ZNF385B: variants seen among roughly 807,000 people sequenced by gnomAD.
ZNF385B encodes the protein zinc finger protein 385B.
In ZNF385B, 23 loss-of-function variants were observed where a neutral mutation model predicts 39.2. That is an observed-to-expected ratio of 0.59 (90% CI 0.42 to 0.83). ZNF385B has a LOEUF of 0.83. ZNF385B is among the 40% of genes least tolerant of loss of function. The probability of loss-of-function intolerance (pLI) is 0.00; values close to 1 mark genes in which losing one functional copy is unlikely to be tolerated. For synonymous variants in ZNF385B, 205 were observed against 222.6 expected, an observed-to-expected ratio of 0.92 and a Z score of 0.70; for missense variants, 552 against 598.9, an observed-to-expected ratio of 0.92 and a Z score of 0.82.
chr2:179,849,015 C>A (rs1047405251), intron 1 of ZNF385B, among the ~76,000 whole-genome samples: 2 of 152,140 alleles, frequency 1.3e-5, no homozygotes, highest in Non-Finnish European at 2.9e-5. Context: ...CTATGAGATA[C>A]ATAATATTGT....
intron 3 of ZNF385B, among the ~76,000 whole-genome samples, chr2:179,557,398 C>T (rs2060977034): frequency 7.4e-6 from 1 of 134,698 alleles, no homozygotes; most frequent in Non-Finnish European, 1.6e-5. Flanking sequence ...AAAGAAAAGC[C>T]AGTGTGGCCA....
chr2:179,577,038 G>A (rs1008156700), intron 3 of ZNF385B, among the ~76,000 whole-genome samples: 8 of 152,096 alleles, frequency 5.3e-5, no homozygotes, highest in Admixed American at 2.0e-4. Context: ...AGGAATCCAG[G>A]AGAAAACTGG....
At chr2:179,623,817 G>A (rs1171695484) in intron 3 of ZNF385B, among the ~76,000 whole-genome samples, 1 of 152,094 alleles carries the variant, frequency 6.6e-6, no homozygotes, top group African/African-American at 2.4e-5. Flanking sequence ...CTTTTCTGCT[G>A]CAAACAGCCA....
intron 3 of ZNF385B, among the ~76,000 whole-genome samples, chr2:179,660,687 T>C (rs1186857068): frequency 6.6e-6 from 1 of 152,180 alleles, no homozygotes; most frequent in Non-Finnish European, 1.5e-5. Flanking sequence ...TTGACTCCAA[T>C]ACAAAGATAA....
At position 179,555,488 on chromosome 2, in the gene ZNF385B, T is replaced by C. The variant is rs1446671724; in HGVS notation, c.299-10519A>G. On this transcript the variant is annotated intron_variant, in intron 3 of 9. Transcript: ENST00000410066. ...CTTATGTGCACTTTTCTGTATGTTATAAATGAGCAGAATTTTTAAAAAATG... is the reference window on the plus strand; with the variant it reads ...CTTATGTGCACTTTTCTGTATGTTACAAATGAGCAGAATTTTTAAAAAATG... 1.3e-5 allele frequency among the ~76,000 whole-genome samples: 2 copies of C among 149,620 alleles called. 1 individual carries two copies. Among genetic ancestry groups the C allele is most frequent in the African/African-American group, 5.0e-5 (2 of 39,738 alleles).
At chr2:179,801,429 T>C (rs1195509566) in intron 1 of ZNF385B, among the ~76,000 whole-genome samples, 2 of 152,078 alleles carry the variant, frequency 1.3e-5, no homozygotes, top group Admixed American at 6.6e-5. Flanking sequence ...TACTTCCCTG[T>C]ACCTAGATGT....
At chr2:179,795,974 A>G (rs1354768116) in intron 1 of ZNF385B, among the ~76,000 whole-genome samples, 11 of 152,130 alleles carry the variant, frequency 7.2e-5, no homozygotes, top group African/African-American at 2.2e-4. Flanking sequence ...ATGCCAATTT[A>G]TTTCCCTCTT....
rs138439489 is a variant in ZNF385B, at chr2:179,462,901, ATG to A, written c.716-16133_716-16132del. On this transcript the variant is annotated intron_variant, in intron 6 of 9. Transcript: ENST00000410066. ...ATAATTTGAACGCACTATTTAAAAG[ATG>A]TGTGTGTGTGTGTGTTTGTGAAAAT... is the stretch of plus-strand genomic sequence containing the variant. Among the ~76,000 whole-genome samples, 361 of 151,170 alleles carry A rather than the reference ATG, an allele frequency of 2.4e-3. 2 individuals carry two copies. Among genetic ancestry groups the A allele is most frequent in the Middle Eastern group, 3.4e-3 (1 of 294 alleles).
At chr2:179,744,421 G>A (rs1432517347) in intron 3 of ZNF385B, among the ~76,000 whole-genome samples, 1 of 151,508 alleles carries the variant, frequency 6.6e-6, no homozygotes, top group East Asian at 2.0e-4. Flanking sequence ...CATAAAAAGA[G>A]CTGCTAAACG....
At chr2:179,598,033 A>T (rs905117472) in intron 3 of ZNF385B, among the ~76,000 whole-genome samples, 7 of 152,224 alleles carry the variant, frequency 4.6e-5, no homozygotes, top group Non-Finnish European at 8.8e-5. Context: ...TTGCCATGGT[A>T]ATTACAGTAT....
intron 5 of ZNF385B, among the ~76,000 whole-genome samples, chr2:179,514,721 G>A (rs2105789533): frequency 6.6e-6 from 1 of 151,390 alleles, no homozygotes; most frequent in Middle Eastern, 3.5e-3. Context: ...TTACAAATAG[G>A]GAATGACATG....
chr2:179,467,392 A>T (rs13392915), intron 6 of ZNF385B, among the ~76,000 whole-genome samples: 8,364 of 152,270 alleles, frequency 0.055, 259 homozygotes, highest in Middle Eastern at 0.11. Flanking sequence ...TGGAGGGTGA[A>T]CTACTGGACC....
intron 3 of ZNF385B, chr2:179,637,399 A>G (rs1441809047): frequency 6.6e-6 from 1 of 152,190 alleles, no homozygotes; most frequent in Non-Finnish European, 1.5e-5. Context: ...CTCAATGCCA[A>G]AACTTCTAGT....
intron 1 of ZNF385B, among the ~76,000 whole-genome samples, chr2:179,829,668 C>G (rs986705653): frequency 1.4e-4 from 22 of 152,152 alleles, no homozygotes; most frequent in Non-Finnish European, 2.8e-4. Flanking sequence ...CGCCCGCCAC[C>G]ATGCCCGGCC....
intron 1 of ZNF385B, among the ~76,000 whole-genome samples, chr2:179,792,375 CTT>C (rs374147864): frequency 2.4e-5 from 3 of 124,108 alleles, no homozygotes; most frequent in Admixed American, 8.7e-5. Context: ...ATTTTCTTTT[CTT>C]TTTTTTTTTT....
chr2:179,562,401 T>C, intron 3 of ZNF385B: 1 of 985,424 alleles, frequency 1.0e-6, no homozygotes, highest in Non-Finnish European at 1.2e-6. Context: ...GTGCTTACCT[T>C]TGTTTTTAAG....
chr2:179,797,867 G>A (rs1233233473), intron 1 of ZNF385B, among the ~76,000 whole-genome samples: 1 of 152,002 alleles, frequency 6.6e-6, no homozygotes, highest in Non-Finnish European at 1.5e-5. Context: ...ACCTCAATCT[G>A]TTATTGTGCG....
At chr2:179,570,612 C>G (rs1685102772) in intron 3 of ZNF385B, among the ~76,000 whole-genome samples, 1 of 152,180 alleles carries the variant, frequency 6.6e-6, no homozygotes, top group Admixed American at 6.5e-5. Context: ...TGTTAGTTCT[C>G]TCTTTGTTTC....
chr2:179,804,715 T>C (rs1414381006), intron 1 of ZNF385B, among the ~76,000 whole-genome samples: 2 of 152,172 alleles, frequency 1.3e-5, no homozygotes, highest in South Asian at 2.1e-4. Flanking sequence ...CAGTGAGCAC[T>C]TGAATTTTAG....
Sources: gnomAD v4.1 joint callset for allele counts (sites outside exome capture counted in the v4.1 genomes callset) on GRCh38, gnomAD v4.1.1 for gene constraint, MANE v1.5 for transcripts, NCBI Gene and HGNC (gene_info 2026-07-23, HGNC 2026-07-21) for gene names.